TRPC4: variants seen among roughly 807,000 people sequenced by gnomAD.
TRPC4 encodes the protein transient receptor potential cation channel subfamily C member 4.
In TRPC4, 49 loss-of-function variants were observed where a neutral mutation model predicts 99.4. That is an observed-to-expected ratio of 0.49 (90% CI 0.39 to 0.63). The LOEUF is 0.63. Among genes scored for constraint, TRPC4 ranks in the 20% least tolerant of loss-of-function variants. The pLI, the probability that TRPC4 is intolerant of heterozygous loss-of-function variation, is 0.00. For synonymous variants in TRPC4, 454 were observed against 425.9 expected, an observed-to-expected ratio of 1.07 and a Z score of -0.81; for missense variants, 898 against 1,152.9, an observed-to-expected ratio of 0.78 and a Z score of 3.20.
At chr13:37,839,451 A>G (rs1012627250) in intron 1 of TRPC4, among the ~76,000 whole-genome samples, 1 of 152,196 alleles carries the variant, frequency 6.6e-6, no homozygotes, top group Non-Finnish European at 1.5e-5. Flanking sequence ...ATTAAAGAGA[A>G]CATGATATCA....
intron 1 of TRPC4, among the ~76,000 whole-genome samples, chr13:37,809,356 C>T (rs1957613290): frequency 6.6e-6 from 1 of 151,838 alleles, no homozygotes; most frequent in African/African-American, 2.4e-5. Context: ...TATCCTTATC[C>T]CGTAGTTGTT....
At chr13:37,651,551 G>A (rs1952044081) in intron 7 of TRPC4, 92 bp from the exon 8 acceptor site, 4 of 1,155,060 alleles carry the variant, frequency 3.5e-6, no homozygotes, top group East Asian at 4.8e-5. Context: ...ACTTCAAGCG[G>A]CTCTTGGAAC....
intron 3 of TRPC4, among the ~76,000 whole-genome samples, chr13:37,745,475 C>CGCGTATATATATATATAT (rs1566138437): frequency 1.7e-3 from 13 of 7,844 alleles, no homozygotes; most frequent in African/African-American, 4.3e-3. Flanking sequence ...TATATATATA[C>CGCGTATATATATATATAT]ACACACACAC....
intron 6 of TRPC4, among the ~76,000 whole-genome samples, chr13:37,656,719 G>A (rs1160219975): frequency 1.3e-5 from 2 of 152,198 alleles, no homozygotes; most frequent in Admixed American, 1.3e-4. Context: ...TCACTGGAAT[G>A]ACGGGATGCC....
chr13:37,722,466 T>C (rs925034769), intron 3 of TRPC4, among the ~76,000 whole-genome samples: 3 of 152,218 alleles, frequency 2.0e-5, no homozygotes, highest in Admixed American at 6.6e-5. Context: ...ACATCCCTTA[T>C]GAGGTATTTG....
intron 2 of TRPC4, among the ~76,000 whole-genome samples, chr13:37,770,283 A>G (rs1302649651): frequency 1.3e-5 from 2 of 151,444 alleles, no homozygotes; most frequent in African/African-American, 2.4e-5. Flanking sequence ...CACTTTCCAC[A>G]TATCTGTAAA....
chr13:37,746,574 T>G, intron 2 of TRPC4, 119 bp from the exon 3 acceptor site: 1 of 1,200,428 alleles, frequency 8.3e-7, no homozygotes, highest in Non-Finnish European at 1.1e-6. Context: ...CGGGTTTTTT[T>G]TTTTTTGTAG....
chr13:37,642,464 C>T (rs1951744565), intron 8 of TRPC4, among the ~76,000 whole-genome samples: 1 of 152,112 alleles, frequency 6.6e-6, no homozygotes. Flanking sequence ...GCAGAGTCTC[C>T]AGGCCTGGGG....
At chr13:37,647,967 G>A (rs1481443834) in intron 8 of TRPC4, among the ~76,000 whole-genome samples, 7 of 151,518 alleles carry the variant, frequency 4.6e-5, no homozygotes, top group East Asian at 1.9e-4. Flanking sequence ...TTATTGAGAT[G>A]GAGTCTCGCT....
chr13:37,791,747 C>T (rs1007560532), intron 1 of TRPC4, among the ~76,000 whole-genome samples: 3 of 152,018 alleles, frequency 2.0e-5, no homozygotes, highest in African/African-American at 7.3e-5. Flanking sequence ...TGAAGACCTG[C>T]ATGAGGTCAG....
chr13:37,862,580 A>T (rs1041703153), intron 1 of TRPC4, among the ~76,000 whole-genome samples: 1 of 151,608 alleles, frequency 6.6e-6, no homozygotes, highest in Non-Finnish European at 1.5e-5. Flanking sequence ...GACTCTACTC[A>T]TTGTAATATA....
At chr13:37,829,138 C>A (rs1406713604) in intron 1 of TRPC4, among the ~76,000 whole-genome samples, 2 of 152,080 alleles carry the variant, frequency 1.3e-5, no homozygotes, top group Non-Finnish European at 2.9e-5. Context: ...AATTAAAACG[C>A]TTTTCCTTAA....
chr13:37,799,755 A>G (rs1957353931), intron 1 of TRPC4, among the ~76,000 whole-genome samples: 2 of 152,228 alleles, frequency 1.3e-5, no homozygotes, highest in African/African-American at 4.8e-5. Context: ...TAAATGCACA[A>G]CCCAAGAAGG....
chr13:37,646,648 G>A (rs1951869040), intron 8 of TRPC4, among the ~76,000 whole-genome samples: 1 of 152,174 alleles, frequency 6.6e-6, no homozygotes. Flanking sequence ...GAATAGAAAT[G>A]TCTAGTTAAA....
chr13:37,745,508 G>GTA (rs1223296423), intron 3 of TRPC4, among the ~76,000 whole-genome samples: 35 of 111,432 alleles, frequency 3.1e-4, no homozygotes, highest in South Asian at 5.7e-4. Context: ...ACGTATATAT[G>GTA]TATATATATA....
chr13:37,644,299 G>A (rs1242788961), intron 8 of TRPC4, among the ~76,000 whole-genome samples: 1 of 151,926 alleles, frequency 6.6e-6, no homozygotes, highest in Non-Finnish European at 1.5e-5. Context: ...CCGAGAACAG[G>A]AGAAATGAAC....
intron 2 of TRPC4, among the ~76,000 whole-genome samples, chr13:37,772,034 C>T (rs4941878): frequency 0.073 from 11,018 of 151,564 alleles, 533 homozygotes; most frequent in Admixed American, 0.15. Context: ...TTACTGTCTG[C>T]CCAGGCACGT....
intron 1 of TRPC4, among the ~76,000 whole-genome samples, chr13:37,794,611 C>T (rs1357154548): frequency 1.3e-5 from 2 of 152,150 alleles, no homozygotes; most frequent in East Asian, 1.9e-4. Flanking sequence ...AATATTAACA[C>T]TGTGATTCTA....
intron 2 of TRPC4, among the ~76,000 whole-genome samples, chr13:37,766,184 C>T (rs1566154844): frequency 6.6e-6 from 1 of 151,330 alleles, no homozygotes; most frequent in Non-Finnish European, 1.5e-5. Context: ...TTTCAAATGG[C>T]CTGAGACTCC....
Sources: gnomAD v4.1 joint callset for allele counts (sites outside exome capture counted in the v4.1 genomes callset) on GRCh38, gnomAD v4.1.1 for gene constraint, MANE v1.5 for transcripts, NCBI Gene and HGNC (gene_info 2026-07-23, HGNC 2026-07-21) for gene names.